Variants in ZFYVE9 observed in about 807,000 individuals in gnomAD.
ZFYVE9 encodes zinc finger FYVE-type containing 9, also known as zinc finger FYVE domain-containing protein 9.
Under a neutral mutation model 126.7 loss-of-function variants are expected in ZFYVE9, and 43 were observed. The ratio of observed to expected loss-of-function variants is 0.34; its 90% CI spans 0.27 to 0.44. The LOEUF is 0.44. ZFYVE9 is among the 20% of genes least tolerant of loss of function. The probability of loss-of-function intolerance (pLI) is 1.00; values close to 1 mark genes in which losing one functional copy is unlikely to be tolerated. For synonymous variants in ZFYVE9, 521 were observed against 597.4 expected (o/e 0.87, Z 1.87); for missense variants, 1,476 against 1,697.0 (o/e 0.87, Z 2.29).
chr1:52,145,633 C>T (rs963601651), intron 1 of ZFYVE9, among the ~76,000 whole-genome samples: 1 of 152,154 alleles, frequency 6.6e-6, no homozygotes, highest in Non-Finnish European at 1.5e-5. Context: ...TAAAAGTAAC[C>T]GAAAGCAATT....
chr1:52,309,984 GAC>G (rs1482155545), intron 13 of ZFYVE9, among the ~76,000 whole-genome samples: 8 of 152,046 alleles, frequency 5.3e-5, no homozygotes, highest in African/African-American at 1.9e-4. Context: ...ATTTTTTTGA[GAC>G]AGAGTCTTGC....
At chr1:52,292,926 C>T (rs1192481213) in intron 10 of ZFYVE9, among the ~76,000 whole-genome samples, 1 of 152,084 alleles carries the variant, frequency 6.6e-6, no homozygotes, top group Non-Finnish European at 1.5e-5. Flanking sequence ...AGTTTATGCT[C>T]ATTAGAAGCC....
chr1:52,320,144 C>T (rs1307172513), intron 13 of ZFYVE9, among the ~76,000 whole-genome samples: 1 of 151,334 alleles, frequency 6.6e-6, no homozygotes, highest in East Asian at 2.0e-4. Context: ...AATCTCAGCT[C>T]ACTGCAACCT....
rs1481301726 is a variant in ZFYVE9 at position 52,303,931 on chromosome 1, A to G, written c.3438+6A>G. 2 of 1,580,156 alleles carry G rather than the reference A, an allele frequency of 1.3e-6. No individual in the cohort carries two copies. The highest frequency in any genetic ancestry group is 1.7e-6 in the Non-Finnish European group (2 of 1,163,572). The stretch of plus-strand genomic sequence containing the variant: ...CCAGCAACAGATACAATGAGGTAAG[A>G]TTTACCATGAAGGCGTATTTTTCAT... On this transcript the variant is annotated splice_donor_region_variant and intron_variant, in intron 13 of 18. Transcript: ENST00000287727.
intron 7 of ZFYVE9, among the ~76,000 whole-genome samples, chr1:52,272,158 T>C (rs183897756): frequency 2.7e-4 from 41 of 152,344 alleles, no homozygotes; most frequent in Non-Finnish European, 4.6e-4. Context: ...GAAATAGTTT[T>C]AATGTTTGTT....
chr1:52,315,117 A>G (rs989974598), intron 13 of ZFYVE9, among the ~76,000 whole-genome samples: 1 of 152,212 alleles, frequency 6.6e-6, no homozygotes, highest in African/African-American at 2.4e-5. Flanking sequence ...TCTTTTTAAA[A>G]GACAATTAAC....
intron 4 of ZFYVE9, among the ~76,000 whole-genome samples, chr1:52,245,750 C>G (rs1397708958): frequency 6.6e-6 from 1 of 152,108 alleles, no homozygotes; most frequent in African/African-American, 2.4e-5. Context: ...GATGGTATCC[C>G]TAATTAACAT....
At chr1:52,318,096 A>G (rs1045817251) in intron 13 of ZFYVE9, among the ~76,000 whole-genome samples, 10 of 152,224 alleles carry the variant, frequency 6.6e-5, no homozygotes, top group African/African-American at 1.7e-4. Flanking sequence ...ATTACAAAAA[A>G]TGAAAACTAT....
chr1:52,156,783 G>C (rs2124504276), intron 1 of ZFYVE9, among the ~76,000 whole-genome samples: 1 of 151,904 alleles, frequency 6.6e-6, no homozygotes, highest in Middle Eastern at 3.5e-3. Flanking sequence ...CAGACTCTGT[G>C]ACCCATAGTC....
intron 9 of ZFYVE9, among the ~76,000 whole-genome samples, chr1:52,280,979 A>G (rs1447683808): frequency 6.6e-6 from 1 of 152,206 alleles, no homozygotes; most frequent in African/African-American, 2.4e-5. Flanking sequence ...GTGGAGGACT[A>G]TGTTCTTCAA....
Position 52,293,440 on chromosome 1 carries a change from T to G in ZFYVE9, c.3026-13T>G. The G allele has an allele frequency of 1.3e-6, 2 of 1,590,004 alleles. No individual in the cohort carries two copies. Among genetic ancestry groups the G allele is most frequent in the Non-Finnish European group, 1.7e-6 (2 of 1,170,710 alleles). ...ATTGATACAAAGTAGCTAATAAACTTTTTTGTTTTTAGGGAATGTGGTGAG... is the reference window on the plus strand; with the variant it reads ...ATTGATACAAAGTAGCTAATAAACTGTTTTGTTTTTAGGGAATGTGGTGAG... On this transcript the variant is annotated splice_polypyrimidine_tract_variant and intron_variant, in intron 10 of 18. Transcript: ENST00000287727.
At chr1:52,300,407 T>C (rs1000264867) in intron 12 of ZFYVE9, among the ~76,000 whole-genome samples, 1 of 151,920 alleles carries the variant, frequency 6.6e-6, no homozygotes, top group Non-Finnish European at 1.5e-5. Flanking sequence ...CTGGCTGATA[T>C]GGTGTAACCC....
intron 10 of ZFYVE9, among the ~76,000 whole-genome samples, chr1:52,291,631 A>G (rs1056978897): frequency 6.6e-6 from 1 of 152,130 alleles, no homozygotes; most frequent in African/African-American, 2.4e-5. Flanking sequence ...TAATCCCAAC[A>G]CTTTGGGAGG....
At chr1:52,309,653 G>A (rs1646119792) in intron 13 of ZFYVE9, among the ~76,000 whole-genome samples, 1 of 152,144 alleles carries the variant, frequency 6.6e-6, no homozygotes, top group African/African-American at 2.4e-5. Context: ...ATGTGAGGTT[G>A]TACTAAGACT....
At chr1:52,340,029 G>GT (rs1229325245) in intron 16 of ZFYVE9, 97 bp from the exon 17 acceptor site, 18 of 913,280 alleles carry the variant, frequency 2.0e-5, no homozygotes, top group Non-Finnish European at 2.9e-5. Context: ...GGTACCCAGT[G>GT]TAATTAGCAG....
chr1:52,318,105 A>C (rs1646203288), intron 13 of ZFYVE9, among the ~76,000 whole-genome samples: 1 of 152,178 alleles, frequency 6.6e-6, no homozygotes, highest in Admixed American at 6.5e-5. Flanking sequence ...AATGAAAACT[A>C]TACATCATAC....
At chr1:52,171,146 C>T (rs1644564496) in intron 1 of ZFYVE9, among the ~76,000 whole-genome samples, 1 of 151,666 alleles carries the variant, frequency 6.6e-6, no homozygotes, top group African/African-American at 2.4e-5. Flanking sequence ...TGCTGTCCCT[C>T]CCCGCTCCCC....
chr1:52,333,577 G>GCCCAAGAGAGCA (rs1646363075), intron 14 of ZFYVE9, among the ~76,000 whole-genome samples: 1 of 152,042 alleles, frequency 6.6e-6, no homozygotes, highest in Admixed American at 6.6e-5. Flanking sequence ...CTCAAGAGGC[G>GCCCAAGAGAGCA]TTACCCAAAG....
intron 1 of ZFYVE9, among the ~76,000 whole-genome samples, chr1:52,212,825 G>A (rs1231071635): frequency 6.6e-6 from 1 of 152,154 alleles, no homozygotes; most frequent in Non-Finnish European, 1.5e-5. Flanking sequence ...CATGTAATGT[G>A]AAATATAAAC....
Sources: allele counts gnomAD v4.1 joint callset (sites outside exome capture counted in the v4.1 genomes callset), GRCh38; gene constraint gnomAD v4.1.1; transcripts MANE v1.5; gene names NCBI Gene and HGNC (gene_info 2026-07-23, HGNC 2026-07-21).